Variants in FAT2 observed in about 807,000 individuals in gnomAD.
The protein encoded by FAT2 is protocadherin Fat 2.
Under a neutral mutation model 295.3 loss-of-function variants are expected in FAT2, and 150 were observed. The ratio of observed to expected loss-of-function variants is 0.51; its 90% CI spans 0.44 to 0.58. The LOEUF (loss-of-function observed/expected upper bound fraction) is 0.58, where lower values mean the gene tolerates loss of function less well. Ranked by LOEUF, FAT2 falls within the 20% of genes least tolerant of loss-of-function variation. The probability of loss-of-function intolerance (pLI) is 0.00; values close to 1 mark genes in which losing one functional copy is unlikely to be tolerated. For synonymous variants in FAT2, 2,026 were observed against 2,150.3 expected (o/e 0.94, Z 1.60); for missense variants, 4,868 against 5,442.7 (o/e 0.89, Z 3.32).
Position 151,545,666 on chromosome 5 carries a change from T to A in FAT2, c.5461A>T (p.Thr1821Ser). The A allele has an allele frequency of 6.2e-7, 1 of 1,614,186 alleles. No homozygotes were observed. Among genetic ancestry groups the A allele is most frequent in the Admixed American group, 1.7e-5 (1 of 60,030 alleles). ...TCCATCTCTGATACAATGGTTAGGG[T>A]TCCCATGCTGGGATCAATTTTGAAA... ...KFFKIDPSMG[T>S]LTIVSEMDYE... is the part of the protein sequence containing the mutation. Residue 1821 changes from threonine (T) to serine (S), a missense_variant, in exon 10 of 24, where the codon ACC becomes TCC. Thr to Ser is a moderately conservative substitution (Grantham distance 58). This residue lies in a region of FAT2 where 3,297 missense variants were observed against 3,669.4 expected (regional missense o/e 0.90). Transcript: ENST00000261800.
intron 1 of FAT2, among the ~76,000 whole-genome samples, chr5:151,579,994 G>A (rs1162094300): frequency 1.3e-5 from 2 of 152,170 alleles, no homozygotes; most frequent in Non-Finnish European, 2.9e-5. Context: ...TGAAATCCCT[G>A]GACTCCCTAG....
chr5:151,543,787 T>C lies in FAT2; in HGVS notation c.7340A>G (p.Asp2447Gly). The C allele has an allele frequency of 1.9e-6, 3 of 1,613,934 alleles. No homozygotes were observed. The highest frequency in any genetic ancestry group is 2.5e-6 in the Non-Finnish European group (3 of 1,179,976). The change falls in exon 10 of 24, where the codon GAC becomes GGC. Residue 2447 changes from aspartate (D) to glycine (G), a missense_variant. By Grantham distance (94) the Asp-to-Gly change is moderately conservative. Coordinates refer to ENST00000261800, the MANE Select transcript of FAT2 (RefSeq NM_001447.3). ...ACCTACCCTCAAATTGTAAGAAGAG[T>C]CCAGGTGCTTTTTGCAAAGGTTGAA... ...SMFNLCKKHL[D>G]SSYNLRVGAS...
rs375769758 is a variant in FAT2, at chr5:151,534,391, A to C, written c.9427+18T>G. On this transcript the variant is annotated intron_variant, in intron 13 of 23. Transcript: ENST00000261800. ...CCAGGAGATCATTGGAAATGGCCTC[A>C]ATCCTTCTCAGACTCACCTTGGTCG... 2 of 1,582,866 alleles carry C rather than the reference A, an allele frequency of 1.3e-6. No individual in the cohort carries two copies. Among genetic ancestry groups the C allele is most frequent in the African/African-American group, 2.7e-5 (2 of 74,396 alleles).
intron 11 of FAT2, 113 bp from the exon 12 acceptor site, chr5:151,538,059 G>C: frequency 1.2e-6 from 1 of 843,840 alleles, no homozygotes; most frequent in Non-Finnish European, 1.8e-6. Flanking sequence ...CACTAAGAGG[G>C]CAGAGACGAA....
At chr5:151,511,969 T>G in intron 21 of FAT2, 196 bp downstream of exon 21, 1 of 592,998 alleles carries the variant, frequency 1.7e-6, no homozygotes, top group East Asian at 2.8e-5. Flanking sequence ...AAAGATAGTT[T>G]TTGTTGAGAG....
In FAT2 at chr5:151,512,202, G is replaced by A. The variant is rs1472131778; in HGVS notation, c.11868C>T (p.Cys3956=). ...TCCATGAGCACTTCCCACCATTGAGGCATGTGTTCTGGCTGCAGTAGTCAC... is the reference window on the plus strand; with the variant it reads ...TCCATGAGCACTTCCCACCATTGAGACATGTGTTCTGGCTGCAGTAGTCAC... ...LHSDYCSQNT[C]LNGGKCSWTH... is the part of the protein sequence containing the mutation. The change falls in exon 21 of 24, where the codon TGC becomes TGT. Residue 3956 remains cysteine, a synonymous_variant. Transcript: ENST00000261800. The surrounding 1 kb of genome is among the most constrained non-coding windows in gnomAD (Gnocchi z 4.1). 6.2e-7 allele frequency: 1 copy of A among 1,614,160 alleles called. No homozygotes were observed.
At position 151,545,974 on chromosome 5, in the gene FAT2, A is replaced by C; in HGVS notation, c.5153T>G (p.Leu1718Trp). Reference protein sequence around the residue: ...YSGLISTQKKLDHEKISSYQL... With the variant: ...YSGLISTQKKWDHEKISSYQL... ...GTAAGACGAGATTTTCTCATGGTCC[A>C]ATTTCTTCTGGGTGGAAATAAGGCC... Residue 1718 changes from leucine (L) to tryptophan (W), a missense_variant, in exon 10 of 24, where the codon TTG becomes TGG. By Grantham distance (61) the Leu-to-Trp change is moderately conservative (BLOSUM62 -2). Around this residue, in one of 5 missense-constraint regions of FAT2, gnomAD observed 3,297 missense variants for 3,669.4 expected, o/e 0.90. Coordinates refer to ENST00000261800, the MANE Select transcript of FAT2 (RefSeq NM_001447.3). 3.1e-6 allele frequency: 5 copies of C among 1,614,148 alleles called. No individual in the cohort carries two copies. Among genetic ancestry groups the C allele is most frequent in the Non-Finnish European group, 4.2e-6 (5 of 1,180,016 alleles).
At chr5:151,508,689 G>A (rs566498852) in intron 22 of FAT2, among the ~76,000 whole-genome samples, 4 of 150,096 alleles carry the variant, frequency 2.7e-5, no homozygotes, top group South Asian at 4.2e-4. Flanking sequence ...CAGCCTGGGC[G>A]ACAGAGTGAA....
In FAT2 at chr5:151,568,764, C is replaced by T; in HGVS notation, c.168G>A (p.Glu56=). Residue 56 remains glutamate, a synonymous_variant, in exon 2 of 24, where the codon GAG becomes GAA. Coordinates refer to ENST00000261800, the MANE Select transcript of FAT2 (RefSeq NM_001447.3). The part of the protein sequence containing the change: ...SSPKTYVESF[E]KMGIYLAEPQ... ...GCTCCGCGAGGTAGATGCCCATTTTCTCGAAGCTCTCCACATAGGTCTTGG... is the reference window on the plus strand; with the variant it reads ...GCTCCGCGAGGTAGATGCCCATTTTTTCGAAGCTCTCCACATAGGTCTTGG... The T allele has an allele frequency of 2.5e-6, 4 of 1,614,152 alleles. No homozygotes were observed. Among genetic ancestry groups the T allele is most frequent in the Non-Finnish European group, 3.4e-6 (4 of 1,180,040 alleles).
In FAT2 at chr5:151,507,553, G is replaced by A. The variant is rs1390838165; in HGVS notation, c.12118C>T (p.Gln4040Ter). The change falls in exon 23 of 24, where the codon CAA (glutamine) becomes TAA (stop). Residue 4040 changes from glutamine to a stop codon, truncating the protein, a stop_gained. Coordinates refer to ENST00000261800, the MANE Select transcript of FAT2 (RefSeq NM_001447.3). LOFTEE classifies it high-confidence loss of function. ...TCCTGCTGCCCCCAGTCCCCCCTTT[G>A]GATCTCGGGAGTGACTAGGCAGTGT... ...EGHCLVTPEI[Q>*]RGDWGQQELL... 2 of 1,614,044 alleles carry A rather than the reference G, an allele frequency of 1.2e-6. No homozygotes were observed. The highest frequency in any genetic ancestry group is 1.7e-6 in the Non-Finnish European group (2 of 1,180,010).
rs540172402 is a variant in FAT2, at chr5:151,520,807, TA to T, written c.11317+468del. On this transcript the variant is annotated intron_variant, in intron 19 of 23. Coordinates refer to ENST00000261800, the MANE Select transcript of FAT2 (RefSeq NM_001447.3). ...TGAGCTTATAACCACCAGACTATGGTAATAATAGTAGCAGTATTAGTAACTC... is the reference window on the plus strand; with the variant it reads ...TGAGCTTATAACCACCAGACTATGGTATAATAGTAGCAGTATTAGTAACTC... 2.4e-3 allele frequency among the ~76,000 whole-genome samples: 372 copies of T among 152,326 alleles called. 1 individual carries two copies. Among genetic ancestry groups the T allele is most frequent in the African/African-American group, 8.6e-3 (359 of 41,574 alleles).
In FAT2 at chr5:151,529,313, G is replaced by A. The variant is rs531678256; in HGVS notation, c.9891C>T (p.Ser3297=). The change falls in exon 15 of 24, where the codon AGC becomes AGT. Residue 3297 remains serine (S), a synonymous_variant. Transcript: ENST00000261800. ...TGGTCACGTCACTGAGGGAAGAGGA[G>A]CTCTTCCGGCTGCACTCAATGGACA... ...YFLSIECSRK[S]SSSLSDVTTV... 114 of 1,613,840 alleles carry A rather than the reference G, an allele frequency of 7.1e-5. No homozygotes were observed. Among genetic ancestry groups the A allele is most frequent in the Non-Finnish European group, 9.1e-5 (107 of 1,179,864 alleles).
chr5:151,546,528 T>G (rs552659165), intron 9 of FAT2, among the ~76,000 whole-genome samples, 191 bp from the exon 10 acceptor site: 1 of 152,280 alleles, frequency 6.6e-6, no homozygotes, highest in African/African-American at 2.4e-5. Flanking sequence ...GCATAGTAGG[T>G]GCTTCATATC....
chr5:151,583,905 C>G (rs1316315713), intron 1 of FAT2, among the ~76,000 whole-genome samples: 1 of 132,452 alleles, frequency 7.5e-6, no homozygotes, highest in Non-Finnish European at 1.5e-5. Flanking sequence ...GATTGAGGCA[C>G]AAGAATCACT....
At chr5:151,521,186 C>T in intron 19 of FAT2, 90 bp downstream of exon 19, 4 of 1,376,186 alleles carry the variant, frequency 2.9e-6, no homozygotes, top group Non-Finnish European at 3.9e-6. Context: ...CTGAACTCTC[C>T]CACAGAGCCT....
chr5:151,540,251 C>T (rs1428903466), intron 11 of FAT2, among the ~76,000 whole-genome samples: 21 of 152,174 alleles, frequency 1.4e-4, no homozygotes, highest in Admixed American at 1.3e-3. Flanking sequence ...AGAATGGTCC[C>T]TGCCCCTGGG....
rs1313676738 is a variant in FAT2 at position 151,512,550 on chromosome 5, G to A, written c.11520C>T (p.Asn3840=). The A allele has an allele frequency of 1.2e-6, 2 of 1,614,090 alleles. No individual in the cohort carries two copies. The highest frequency in any genetic ancestry group is 1.1e-5 in the South Asian group (1 of 91,074). The change falls in exon 21 of 24, where the codon AAC becomes AAT. Residue 3840 remains asparagine, a synonymous_variant. Transcript: ENST00000261800. The surrounding 1 kb of genome is among the most constrained non-coding windows in gnomAD (Gnocchi z 4.1). ...EYHCLGGFYG[N]LSSQRHVNDH... ...CATTCACATGGCGCTGGGAGGAAAG[G>A]TTTCCATAGAAACCACCCAGACAGT...
rs377357066 is a variant in FAT2, at chr5:151,531,986, A to C, written c.9428-16T>G. 18 of 1,613,292 alleles carry C rather than the reference A, an allele frequency of 1.1e-5. No individual in the cohort carries two copies. Among genetic ancestry groups the C allele is most frequent in the Middle Eastern group, 1.7e-4 (1 of 6,050 alleles). On this transcript the variant is annotated splice_polypyrimidine_tract_variant and intron_variant, in intron 13 of 23. Transcript: ENST00000261800. The surrounding 1 kb of genome is among the most constrained non-coding windows in gnomAD (Gnocchi z 5.7). Reference sequence around the variant, plus strand: ...GCATTGGCGCCTGGCAGGGAGACCAAGGGTGTGATCCACACTGAGGGCGCC... The same window carrying C: ...GCATTGGCGCCTGGCAGGGAGACCACGGGTGTGATCCACACTGAGGGCGCC...
intron 18 of FAT2, 184 bp from the exon 19 acceptor site, chr5:151,522,270 A>C: frequency 1.8e-6 from 1 of 555,038 alleles, no homozygotes; most frequent in East Asian, 2.8e-5. Context: ...GAAAAGAAAG[A>C]TTTTCTGAAG....
Sources: allele counts gnomAD v4.1 joint callset (sites outside exome capture counted in the v4.1 genomes callset), GRCh38; gene constraint gnomAD v4.1.1; regional missense constraint gnomAD v4.1.1; non-coding constraint Gnocchi (gnomAD v3.1); transcripts MANE v1.5; gene names NCBI Gene and HGNC (gene_info 2026-07-23, HGNC 2026-07-21).